Variants in OR52N1 observed in about 807,000 individuals in gnomAD.
The protein encoded by OR52N1 is olfactory receptor family 52 subfamily N member 1.
In OR52N1, 11 loss-of-function variants were observed where a neutral mutation model predicts 13.9. The observed-to-expected ratio is 0.79, with a 90% CI of 0.50 to 1.31. OR52N1 has a LOEUF of 1.31. Among genes scored for constraint, OR52N1 ranks in the 40% most tolerant of loss-of-function variants. The pLI is 0.00. For missense variants in OR52N1, 414 were observed against 397.7 expected, an observed-to-expected ratio of 1.04 and a Z score of -0.35; for synonymous variants, 142 against 143.7, an observed-to-expected ratio of 0.99 and a Z score of 0.08.
chr11:5,791,114 G>A lies in OR52N1; in HGVS notation c.-48C>T, dbSNP rs181952548. The A allele has an allele frequency of 2.6e-5, 4 of 152,130 alleles. No homozygotes were observed. In the East Asian group the frequency reaches 7.7e-4, roughly 29 times the overall value. 9.4% of individuals were successfully genotyped at this position (152,130 alleles called of 1,614,324 possible). A position where few individuals can be genotyped will look rare whatever the true frequency, so the allele number is the denominator to read the frequency against. Reference sequence around the variant, plus strand: ...AAACAAAAGTAAATCTGCTTACCCTGAAAACTACCGGAGTTCCTCAAGAAA... The same window carrying A: ...AAACAAAAGTAAATCTGCTTACCCTAAAAACTACCGGAGTTCCTCAAGAAA... On this transcript the variant is annotated 5_prime_UTR_variant, in exon 1 of 2. Transcript: ENST00000641645.
At chr11:5,790,849 T>C (rs1162714676) in intron 1 of OR52N1, among the ~76,000 whole-genome samples, 1 of 152,112 alleles carries the variant, frequency 6.6e-6, no homozygotes, top group African/African-American at 2.4e-5. Flanking sequence ...CTTTGTCAGA[T>C]ACATAGTTTG....
In OR52N1 at chr11:5,790,136, C is replaced by T. The variant is rs941331659; in HGVS notation, c.-45+975G>A. Among the ~76,000 whole-genome samples, 5 of 152,068 alleles carry T rather than the reference C, an allele frequency of 3.3e-5. No homozygotes were observed. In the South Asian group the frequency reaches 1.0e-3, roughly 32 times the overall value. On this transcript the variant is annotated intron_variant, in intron 1 of 1. Transcript: ENST00000641645. ...TTCCTCCTTGACATATTGGAGGTGA[C>T]CCACCTGTCACTTCAGGGATGTCAC... is the stretch of plus-strand genomic sequence containing the variant.
At position 5,786,917 on chromosome 11, in the gene OR52N1, G is replaced by A. The variant is rs1854599317; in HGVS notation, c.*937C>T. On this transcript the variant is annotated 3_prime_UTR_variant, in exon 2 of 2. Transcript: ENST00000641645. ...TTGTAAACTATAGACAGTTTTCATA[G>A]GAAGCAAGAAAGAAATGTCTCACAG... 2 of 140,298 alleles carry A rather than the reference G, an allele frequency of 1.4e-5. No homozygotes were observed. The highest frequency in any genetic ancestry group is 2.3e-4 in the South Asian group (1 of 4,292). 8.7% of individuals were successfully genotyped at this position (140,298 alleles called of 1,614,324 possible). A position where few individuals can be genotyped will look rare whatever the true frequency, so the allele number is the denominator to read the frequency against.
rs1178620990 is a variant in OR52N1, at chr11:5,787,900, A to T, written c.917T>A (p.Val306Asp). 1.3e-6 allele frequency: 2 copies of T among 1,509,814 alleles called. 1 individual carries two copies. Among genetic ancestry groups the T allele is most frequent in the East Asian group, 4.7e-5 (2 of 42,878 alleles). The allele number at this position is 1,509,814 out of a possible 1,614,324, so 93.5% of individuals were successfully genotyped here. Residue 306 changes from valine (V) to aspartate (D), a missense_variant, in exon 2 of 2, where the codon GTC (valine) becomes GAC (aspartate). By Grantham distance (152) the Val-to-Asp change is radical. Transcript: ENST00000641645. ...CTTTCCCTTAAGAAAGAACCTAATG[A>T]CACTTTCTCGTACCTGCCTGGTTTT... ...GVKTRQVRES[V>D]IRFFLKGKDN... is the part of the protein sequence containing the mutation.
intron 1 of OR52N1, among the ~76,000 whole-genome samples, chr11:5,789,802 C>G (rs145083838): frequency 6.6e-6 from 1 of 152,072 alleles, no homozygotes; most frequent in Non-Finnish European, 1.5e-5. Context: ...ATACGTTTTT[C>G]AAGGCCCACA....
chr11:5,790,140 C>T (rs7935300), intron 1 of OR52N1, among the ~76,000 whole-genome samples: 50,456 of 151,828 alleles, frequency 0.33, 8,743 homozygotes, highest in African/African-American at 0.44. Flanking sequence ...AGGTGACCCA[C>T]CTGTCACTTC....
chr11:5,789,279 T>C (rs1409295536), intron 1 of OR52N1, among the ~76,000 whole-genome samples: 1 of 152,238 alleles, frequency 6.6e-6, no homozygotes, highest in Non-Finnish European at 1.5e-5. Context: ...CTAATGGACA[T>C]ACTGACAATA....
chr11:5,788,631 A>C lies in OR52N1; in HGVS notation c.186T>G (p.Tyr62Ter). The C allele has an allele frequency of 1.2e-6, 2 of 1,614,088 alleles. No homozygotes were observed. The highest frequency in any genetic ancestry group is 1.1e-5 in the South Asian group (1 of 91,086). The change falls in exon 2 of 2, where the codon TAT becomes TAG. Residue 62 changes from tyrosine to a stop codon, truncating the protein, a stop_gained. Coordinates refer to ENST00000641645, the MANE Select transcript of OR52N1 (RefSeq NM_001001913.2). LOFTEE classifies it high-confidence loss of function. ...YCDEALHRPMYVFLALLSFTD... is the reference protein window; with the variant it reads ...YCDEALHRPM ...TGAAGGAAAGAAGGGCAAGGAAGAC[A>C]TACATAGGTCTGTGTAAGGCCTCAT... is the stretch of plus-strand genomic sequence containing the variant.
chr11:5,790,535 T>TA (rs1329978567), intron 1 of OR52N1, among the ~76,000 whole-genome samples: 1 of 152,114 alleles, frequency 6.6e-6, no homozygotes, highest in African/African-American at 2.4e-5. Context: ...AAATGGAACA[T>TA]ACAAGCCAGT....
At chr11:5,789,964 GA>G (rs1590356293) in intron 1 of OR52N1, among the ~76,000 whole-genome samples, 1 of 152,118 alleles carries the variant, frequency 6.6e-6, no homozygotes, top group South Asian at 2.1e-4. Context: ...CGGGTCTGAA[GA>G]AGTGGGCTAT....
Position 5,787,551 on chromosome 11 carries a change from G to A in OR52N1, c.*303C>T. 4.8e-6 allele frequency: 1 copy of A among 210,088 alleles called. No individual in the cohort carries two copies. Among genetic ancestry groups the A allele is most frequent in the East Asian group, 9.5e-5 (1 of 10,552 alleles). The allele number at this position is 210,088 out of a possible 1,614,324, so 13.0% of individuals were successfully genotyped here. On this transcript the variant is annotated 3_prime_UTR_variant, in exon 2 of 2. Coordinates refer to ENST00000641645, the MANE Select transcript of OR52N1 (RefSeq NM_001001913.2). ...TTTAAAAAGTTTCACTCCAGTGTTA[G>A]TGATCCAACCACTGTGCTGCAAATT...
rs1020659892 is a variant in OR52N1, at chr11:5,790,065, C to A, written c.-45+1046G>T. Among the ~76,000 whole-genome samples the A allele has an allele frequency of 3.3e-5, 5 of 152,166 alleles. No individual in the cohort carries two copies. In the South Asian group the frequency reaches 1.0e-3, roughly 32 times the overall value. On this transcript the variant is annotated intron_variant, in intron 1 of 1. Coordinates refer to ENST00000641645, the MANE Select transcript of OR52N1 (RefSeq NM_001001913.2). ...CATATAGAAGGATATTGGAGGAAAA[C>A]TAAGTAGGCTTTCTAATTTAAAAAT...
Position 5,787,484 on chromosome 11 carries a change from C to T in OR52N1, c.*370G>A. The T allele has an allele frequency of 6.4e-6, 1 of 156,642 alleles. No homozygotes were observed. Among genetic ancestry groups the T allele is most frequent in the South Asian group, 1.8e-4 (1 of 5,544 alleles). 9.7% of individuals were successfully genotyped at this position (156,642 alleles called of 1,614,324 possible). ...GATGAGCTAAGTAAGTTAGGACAGA[C>T]ATAAATGAACACGGCTCATGTTTTG... On this transcript the variant is annotated 3_prime_UTR_variant, in exon 2 of 2. Transcript: ENST00000641645.
rs777182687 is a variant in OR52N1, at chr11:5,788,427, G to A, written c.390C>T (p.Phe130=). Residue 130 remains phenylalanine (F), a synonymous_variant, in exon 2 of 2, where the codon TTC becomes TTT. Coordinates refer to ENST00000641645, the MANE Select transcript of OR52N1 (RefSeq NM_001001913.2). ...MALDHCVAIC[F]PLRYATILTN... Reference sequence around the variant, plus strand: ...TGAGGATGGTGGCATAACGCAGAGGGAAGCAGATGGCCACACAGTGGTCCA... The same window carrying A: ...TGAGGATGGTGGCATAACGCAGAGGAAAGCAGATGGCCACACAGTGGTCCA... The A allele has an allele frequency of 6.2e-7, 1 of 1,614,064 alleles. No individual in the cohort carries two copies. Among genetic ancestry groups the A allele is most frequent in the South Asian group, 1.1e-5 (1 of 91,076 alleles).
chr11:5,788,475 A>G lies in OR52N1; in HGVS notation c.342T>C (p.Ser114=). 1 of 1,614,088 alleles carries G rather than the reference A, an allele frequency of 6.2e-7. No homozygotes were observed. Among genetic ancestry groups the G allele is most frequent in the South Asian group, 1.1e-5 (1 of 91,078 alleles). The change falls in exon 2 of 2, where the codon TCT becomes TCC. Residue 114 remains serine, a synonymous_variant. Coordinates refer to ENST00000641645, the MANE Select transcript of OR52N1 (RefSeq NM_001001913.2). ...FFVHTFTGME[S]GVLMLMALDH... ...CCAGGGCCATGAGCATGAGCACCCC[A>G]GACTCCATCCCTGTGAAGGTGTGCA... is the stretch of plus-strand genomic sequence containing the variant.
chr11:5,787,912 A>T lies in OR52N1; in HGVS notation c.905T>A (p.Val302Glu). 1 of 1,515,102 alleles carries T rather than the reference A, an allele frequency of 6.6e-7. No homozygotes were observed. The highest frequency in any genetic ancestry group is 1.2e-5 in the South Asian group (1 of 84,762). 93.9% of individuals were successfully genotyped at this position (1,515,102 alleles called of 1,614,324 possible). A position where few individuals can be genotyped will look rare whatever the true frequency, so the allele number is the denominator to read the frequency against. Residue 302 changes from valine to glutamate, a missense_variant, in exon 2 of 2, where the codon GTA becomes GAA. Physicochemically the swap from Val to Glu is moderately radical, Grantham distance 121 (BLOSUM62 -2). Transcript: ENST00000641645. ...PIVYGVKTRQ[V>E]RESVIRFFLK... Reference sequence around the variant, plus strand: ...AAAGAACCTAATGACACTTTCTCGTACCTGCCTGGTTTTCACCCCATACAC... The same window carrying T: ...AAAGAACCTAATGACACTTTCTCGTTCCTGCCTGGTTTTCACCCCATACAC...
At position 5,788,711 on chromosome 11, in the gene OR52N1, T is replaced by A; in HGVS notation, c.106A>T (p.Met36Leu). Residue 36 changes from methionine to leucine, a missense_variant, in exon 2 of 2, where the codon ATG (methionine) becomes TTG (leucine). Transcript: ENST00000641645. ...TTCCCTGTAATAGCAATGCTGTACA[T>A]GGTACACAGTGGGAAGGAGATCCAC... ...HLWISFPLCT[M>L]YSIAITGNFG... is the part of the protein sequence containing the mutation. 6.2e-7 allele frequency: 1 copy of A among 1,613,710 alleles called. No individual in the cohort carries two copies. The highest frequency in any genetic ancestry group is 8.5e-7 in the Non-Finnish European group (1 of 1,179,906).
At chr11:5,788,951 G>T in intron 1 of OR52N1, 91 bp from the exon 2 acceptor site, 2 of 883,242 alleles carry the variant, frequency 2.3e-6, no homozygotes, top group Non-Finnish European at 3.4e-6. Flanking sequence ...TTTCCTTGTA[G>T]ATCAATGACT....
In OR52N1 at chr11:5,791,178, A is replaced by G. The variant is rs939082657; in HGVS notation, c.-112T>C. 9 of 152,060 alleles carry G rather than the reference A, an allele frequency of 5.9e-5. No individual in the cohort carries two copies. The highest frequency in any genetic ancestry group is 2.2e-4 in the African/African-American group (9 of 41,448). The allele number at this position is 152,060 out of a possible 1,614,324, so 9.4% of individuals were successfully genotyped here. On this transcript the variant is annotated 5_prime_UTR_variant, in exon 1 of 2. Coordinates refer to ENST00000641645, the MANE Select transcript of OR52N1 (RefSeq NM_001001913.2). ...CATGGATCAAGTCATATTTATGTCTATATGATCCTCTTGGTCCTGAAGGAG... is the reference window on the plus strand; with the variant it reads ...CATGGATCAAGTCATATTTATGTCTGTATGATCCTCTTGGTCCTGAAGGAG...
Sources: gnomAD v4.1 joint callset for allele counts (sites outside exome capture counted in the v4.1 genomes callset) on GRCh38, gnomAD v4.1.1 for gene constraint, MANE v1.5 for transcripts, NCBI Gene and HGNC (gene_info 2026-07-23, HGNC 2026-07-21) for gene names.